Variants in CFDP1 observed in about 807,000 individuals in gnomAD.
The protein encoded by CFDP1 is chromatin remodeling protein CFDP1.
In CFDP1, 31 loss-of-function variants were observed where a neutral mutation model predicts 40.1. The ratio of observed to expected loss-of-function variants is 0.77; its 90% CI spans 0.58 to 1.04. CFDP1 has a LOEUF of 1.04. Ranked by LOEUF, CFDP1 falls within the 50% of genes least tolerant of loss-of-function variation. The pLI, the probability that CFDP1 is intolerant of heterozygous loss-of-function variation, is 0.00. For missense variants in CFDP1, 423 were observed against 343.4 expected (o/e 1.23, Z -1.83); for synonymous variants, 167 against 120.0 (o/e 1.39, Z -2.56).
chr16:75,411,172 C>A (rs1052199009), intron 4 of CFDP1, among the ~76,000 whole-genome samples: 1 of 151,876 alleles, frequency 6.6e-6, no homozygotes, highest in African/African-American at 2.4e-5. Context: ...GAGCCGAGAT[C>A]GCACCCTGTA....
At position 75,361,501 on chromosome 16, in the gene CFDP1, C is replaced by T. The variant is rs146355932; in HGVS notation, c.650+33589G>A. 6.2e-3 allele frequency among the ~76,000 whole-genome samples: 950 copies of T among 152,128 alleles called. 7 individuals carry two copies. Among genetic ancestry groups the T allele is most frequent in the Middle Eastern group, 0.014 (4 of 294 alleles). On this transcript the variant is annotated intron_variant, in intron 5 of 6. Transcript: ENST00000283882. ...GTGTGGTGCCGCACGCCTGTAATCC[C>T]AGCTACTCAGGAGGCTGAGGCATGA...
At chr16:75,340,909 C>G (rs2078522252) in intron 5 of CFDP1, among the ~76,000 whole-genome samples, 2 of 152,140 alleles carry the variant, frequency 1.3e-5, no homozygotes, top group African/African-American at 4.8e-5. Flanking sequence ...GCAGGAAAAC[C>G]TCAGCTGGTA....
At position 75,414,585 on chromosome 16, in the gene CFDP1, G is replaced by C; in HGVS notation, c.175C>G (p.Pro59Ala). 6.2e-7 allele frequency: 1 copy of C among 1,606,590 alleles called. No individual in the cohort carries two copies. The highest frequency in any genetic ancestry group is 8.5e-7 in the Non-Finnish European group (1 of 1,173,264). The change falls in exon 2 of 7, where the codon CCA (proline) becomes GCA (alanine). Residue 59 changes from proline (P) to alanine (A), a missense_variant. By Grantham distance (27) the Pro-to-Ala change is conservative. Transcript: ENST00000283882. ...QGKKRKAQSI[P>A]ARKRRQGGLS... ...CCTTGAAGGCAGCATCACCTGGCTG[G>C]AATGCTCTGGGCCTTTCTTTTTTTC...
At chr16:75,340,697 T>C (rs751430885) in intron 5 of CFDP1, among the ~76,000 whole-genome samples, 5 of 152,248 alleles carry the variant, frequency 3.3e-5, no homozygotes, top group South Asian at 2.1e-4. Flanking sequence ...AGCCCATTGA[T>C]AGACGCTCTA....
intron 4 of CFDP1, among the ~76,000 whole-genome samples, chr16:75,402,102 C>T (rs866882561): frequency 3.9e-4 from 59 of 152,262 alleles, no homozygotes; most frequent in African/African-American, 1.4e-3. Flanking sequence ...ACAGATTACT[C>T]TTCATTGACA....
At chr16:75,381,569 A>T (rs913280661) in intron 5 of CFDP1, among the ~76,000 whole-genome samples, 1 of 152,170 alleles carries the variant, frequency 6.6e-6, no homozygotes, top group Non-Finnish European at 1.5e-5. Context: ...AACGACAGGC[A>T]GTTTTGGCCC....
At position 75,410,684 on chromosome 16, in the gene CFDP1, G is replaced by A. The variant is rs556061732; in HGVS notation, c.530+1141C>T. On this transcript the variant is annotated intron_variant, in intron 4 of 6. Transcript: ENST00000283882. ...AGCACTTTGGGAGGCCGAGGCGGGC[G>A]GATCACGAGGTCAGGAGATCGAGAC... is the stretch of plus-strand genomic sequence containing the variant. Among the ~76,000 whole-genome samples the A allele has an allele frequency of 4.6e-5, 7 of 151,916 alleles. No homozygotes were observed. The South Asian group carries it at 8.3e-4, about 18-fold the overall frequency.
At chr16:75,327,074 T>A (rs2078407273) in intron 5 of CFDP1, among the ~76,000 whole-genome samples, 1 of 152,054 alleles carries the variant, frequency 6.6e-6, no homozygotes, top group Non-Finnish European at 1.5e-5. Context: ...ATCGAGACCA[T>A]CCTGGCACAC....
At chr16:75,318,020 A>G (rs1597327419) in intron 5 of CFDP1, among the ~76,000 whole-genome samples, 1 of 152,030 alleles carries the variant, frequency 6.6e-6, no homozygotes, top group Admixed American at 6.6e-5. Context: ...ACTCAGGAGG[A>G]TGAGGCAGGA....
At chr16:75,350,380 C>T (rs1035251435) in intron 5 of CFDP1, among the ~76,000 whole-genome samples, 1 of 152,186 alleles carries the variant, frequency 6.6e-6, no homozygotes, top group Non-Finnish European at 1.5e-5. Flanking sequence ...CTTCTCCATA[C>T]CCTTGCCAAC....
intron 5 of CFDP1, among the ~76,000 whole-genome samples, chr16:75,376,115 G>T (rs1004762228): frequency 5.9e-5 from 9 of 152,114 alleles, no homozygotes; most frequent in Admixed American, 5.2e-4. Flanking sequence ...AGAGGCTGAG[G>T]TGGGAAGATC....
At chr16:75,331,296 T>C (rs1209308878) in intron 5 of CFDP1, among the ~76,000 whole-genome samples, 2 of 152,220 alleles carry the variant, frequency 1.3e-5, no homozygotes, top group Admixed American at 1.3e-4. Context: ...ATTTTTATTT[T>C]TGTAGAGACA....
At chr16:75,346,197 A>C (rs965557135) in intron 5 of CFDP1, among the ~76,000 whole-genome samples, 2 of 152,218 alleles carry the variant, frequency 1.3e-5, no homozygotes, top group African/African-American at 4.8e-5. Flanking sequence ...GGATTCTGAC[A>C]TCAAAGCTGT....
At chr16:75,357,160 G>A (rs913077830) in intron 5 of CFDP1, among the ~76,000 whole-genome samples, 4 of 151,892 alleles carry the variant, frequency 2.6e-5, no homozygotes, top group African/African-American at 7.2e-5. Flanking sequence ...TGATCCACCC[G>A]CCTTGGCCTC....
At chr16:75,411,753 G>A (rs1294534020) in intron 4 of CFDP1, 72 bp downstream of exon 4, 3 of 1,395,220 alleles carry the variant, frequency 2.2e-6, no homozygotes, top group African/African-American at 1.4e-5. Flanking sequence ...GAGGATAGAT[G>A]GCTAACACCA....
chr16:75,298,787 T>C (rs1312465237), intron 6 of CFDP1, among the ~76,000 whole-genome samples: 1 of 152,202 alleles, frequency 6.6e-6, no homozygotes, highest in Admixed American at 6.5e-5. Flanking sequence ...CTCCACTGCC[T>C]TCTTCCCCTA....
At chr16:75,399,479 G>C (rs1056378565) in intron 4 of CFDP1, among the ~76,000 whole-genome samples, 1 of 152,178 alleles carries the variant, frequency 6.6e-6, no homozygotes. Flanking sequence ...AATTTAAAAA[G>C]ATGAAACTAC....
intron 5 of CFDP1, among the ~76,000 whole-genome samples, chr16:75,333,686 G>A (rs945748544): frequency 2.6e-5 from 4 of 152,136 alleles, no homozygotes; most frequent in Non-Finnish European, 4.4e-5. Context: ...CTGAGCCAAC[G>A]GTGATCCCAG....
chr16:75,430,560 G>A (rs1175317779), intron 1 of CFDP1, among the ~76,000 whole-genome samples: 1 of 151,960 alleles, frequency 6.6e-6, no homozygotes, highest in African/African-American at 2.4e-5. Flanking sequence ...CACCTCTTGG[G>A]TTCAAGAGAT....
Sources: allele counts gnomAD v4.1 joint callset (sites outside exome capture counted in the v4.1 genomes callset), GRCh38; gene constraint gnomAD v4.1.1; transcripts MANE v1.5; gene names NCBI Gene and HGNC (gene_info 2026-07-23, HGNC 2026-07-21).